The following DPYSL4 variants were observed in gnomAD, a reference collection of about 807,000 sequenced individuals.
The protein encoded by DPYSL4 is dihydropyrimidinase like 4.
A neutral mutation model predicts 63.4 loss-of-function variants in DPYSL4; 43 were observed. The ratio of observed to expected loss-of-function variants is 0.68; its 90% CI spans 0.53 to 0.88. The LOEUF (loss-of-function observed/expected upper bound fraction) is 0.88, where lower values mean the gene tolerates loss of function less well. DPYSL4 is among the 40% of genes least tolerant of loss of function. The pLI, the probability that DPYSL4 is intolerant of heterozygous loss-of-function variation, is 0.00. For missense variants in DPYSL4, 733 were observed against 819.5 expected (o/e 0.89, Z 1.29); for synonymous variants, 353 against 331.7 (o/e 1.06, Z -0.70).
intron 4 of DPYSL4, among the ~76,000 whole-genome samples, chr10:132,196,627 G>A (rs1463715978): frequency 1.3e-5 from 2 of 152,228 alleles, no homozygotes; most frequent in Non-Finnish European, 1.5e-5. Flanking sequence ...TTCCTAACCC[G>A]GAGCACAGGA....
chr10:132,204,989 G>A lies in DPYSL4; in HGVS notation c.*59G>A, dbSNP rs753579010. ...CCCACCCGAGGCCGCGGGGGCCCCA[G>A]GGCACTCGCCCCCCTCCTTAGCATT... On this transcript the variant is annotated 3_prime_UTR_variant, in exon 14 of 14. Transcript: ENST00000338492. The A allele has an allele frequency of 2.9e-5, 40 of 1,394,316 alleles. No individual in the cohort carries two copies. Among genetic ancestry groups the A allele is most frequent in the Non-Finnish European group, 3.7e-5 (38 of 1,017,262 alleles). The allele number at this position is 1,394,316 out of a possible 1,614,324, so 86.4% of individuals were successfully genotyped here. A position where few individuals can be genotyped will look rare whatever the true frequency, so the allele number is the denominator to read the frequency against.
At chr10:132,195,067 C>T (rs112825992) in intron 4 of DPYSL4, 58 bp downstream of exon 4, 41,440 of 1,547,962 alleles carry the variant, frequency 0.027, 2,303 homozygotes, top group African/African-American at 0.15. Flanking sequence ...GGAGCCTCTG[C>T]CCTGACCCTG....
At chr10:132,198,830 T>C (rs1180094406) in intron 7 of DPYSL4, 21 bp from the exon 8 acceptor site, 1 of 1,612,332 alleles carries the variant, frequency 6.2e-7, no homozygotes, top group South Asian at 1.1e-5. Context: ...TGTGGCCTCA[T>C]CCCTCTCATC....
rs2062074618 is a variant in DPYSL4, at chr10:132,204,883, A to G, written c.1672A>G (p.Ile558Val). 2.5e-6 allele frequency: 4 copies of G among 1,612,554 alleles called. No individual in the cohort carries two copies. The Admixed American group carries it at 5.0e-5, about 20-fold the overall frequency. Reference sequence around the variant, plus strand: ...CATCGCCCGACGCACAGCACAGAAGATCATGGCACCACCTGGCGGCCGCTC... The same window carrying G: ...CATCGCCCGACGCACAGCACAGAAGGTCATGGCACCACCTGGCGGCCGCTC... ...DHIARRTAQK[I>V]MAPPGGRSNI... Residue 558 changes from isoleucine to valine, a missense_variant, in exon 14 of 14, where the codon ATC becomes GTC. Physicochemically the swap from Ile to Val is conservative, Grantham distance 29 (BLOSUM62 3). Coordinates refer to ENST00000338492, the MANE Select transcript of DPYSL4 (RefSeq NM_006426.3).
chr10:132,194,704 CAG>C (rs2061919024), intron 3 of DPYSL4, 139 bp from the exon 4 acceptor site: 5 of 1,066,330 alleles, frequency 4.7e-6, no homozygotes, highest in Non-Finnish European at 6.9e-6. Flanking sequence ...CATCCTCTCT[CAG>C]GGGCCGGTGG....
intron 4 of DPYSL4, among the ~76,000 whole-genome samples, chr10:132,195,560 A>C (rs1376812100): frequency 1.3e-5 from 2 of 152,120 alleles, no homozygotes; most frequent in African/African-American, 2.4e-5. Flanking sequence ...GATGGGGTCC[A>C]AGCAAGCCCA....
rs533040345 is a variant in DPYSL4, at chr10:132,203,891, G to A, written c.1591G>A (p.Val531Met). Reference protein sequence around the residue: ...SCPGKISVPPVRNLHQSGFSL... With the variant: ...SCPGKISVPPMRNLHQSGFSL... The stretch of plus-strand genomic sequence containing the variant: ...CCCAGGCAAGATCTCCGTCCCTCCT[G>A]TGCGCAACCTACATCAGTCGGGGTT... The change falls in exon 13 of 14, where the codon GTG (valine) becomes ATG (methionine). Residue 531 changes from valine (V) to methionine (M), a missense_variant. By Grantham distance (21) the Val-to-Met change is conservative. Transcript: ENST00000338492. The A allele has an allele frequency of 1.2e-6, 2 of 1,611,998 alleles. No individual in the cohort carries two copies. Among genetic ancestry groups the A allele is most frequent in the African/African-American group, 2.7e-5 (2 of 75,036 alleles).
At chr10:132,187,369 G>GGGCCCTGCCC (rs2061815351) in intron 1 of DPYSL4, among the ~76,000 whole-genome samples, 1 of 9,654 alleles carries the variant, frequency 1.0e-4, no homozygotes, top group African/African-American at 2.9e-4. Flanking sequence ...GGGCCCTGCC[G>GGGCCCTGCCC]GGCCCTGCCC....
At chr10:132,190,671 A>T in intron 1 of DPYSL4, 76 bp from the exon 2 acceptor site, 1 of 1,396,374 alleles carries the variant, frequency 7.2e-7, no homozygotes, top group African/African-American at 1.4e-5. Context: ...TCATAATTTC[A>T]GAGGAAGGAG....
chr10:132,196,936 T>TG lies in DPYSL4; in HGVS notation c.540+18dup, dbSNP rs1225757746. On this transcript the variant is annotated intron_variant, in intron 5 of 13. Coordinates refer to ENST00000338492, the MANE Select transcript of DPYSL4 (RefSeq NM_006426.3). ...AGCGACAGCCAGGTAAGGGCAGGCG[T>TG]GGGGAACGGAGTGGGCAGGTATATC... The TG allele has an allele frequency of 1.9e-6, 3 of 1,613,460 alleles. No individual in the cohort carries two copies. Among genetic ancestry groups the TG allele is most frequent in the Non-Finnish European group, 1.7e-6 (2 of 1,179,908 alleles).
intron 1 of DPYSL4, 48 bp from the exon 2 acceptor site, chr10:132,190,699 C>T (rs751629149): frequency 1.9e-6 from 3 of 1,561,488 alleles, no homozygotes; most frequent in Non-Finnish European, 2.6e-6. Flanking sequence ...AAGAGTGTTA[C>T]TGAGTAACTC....
intron 1 of DPYSL4, among the ~76,000 whole-genome samples, chr10:132,189,113 T>C (rs1873506): frequency 0.62 from 93,925 of 151,762 alleles, 29,663 homozygotes; most frequent in East Asian, 0.93. Flanking sequence ...GTGAAGGCTC[T>C]AGCCCCAGGC....
At chr10:132,187,325 G>GGCCCGGCCCGGCCCGGCCCT (rs1185106242) in intron 1 of DPYSL4, among the ~76,000 whole-genome samples, 110 of 13,574 alleles carry the variant, frequency 8.1e-3, no homozygotes, top group African/African-American at 0.015. Context: ...GGGGCGCCCA[G>GGCCCGGCCCGGCCCGGCCCT]GCCCGGCCCG....
In DPYSL4 at chr10:132,193,160, G is replaced by A. The variant is rs140969480; in HGVS notation, c.313+318G>A. On this transcript the variant is annotated intron_variant, in intron 3 of 13. Transcript: ENST00000338492. ...GTTGGAAAACTCAAATGCCTTGGGC[G>A]AGGGGAGGGGTCATGCTGTCTGAAA... 2.9e-4 allele frequency among the ~76,000 whole-genome samples: 44 copies of A among 152,282 alleles called. No individual in the cohort carries two copies. In the East Asian group the frequency reaches 6.8e-3, roughly 23 times the overall value.
At chr10:132,199,693 G>GGGTGGT (rs1207265255) in intron 8 of DPYSL4, among the ~76,000 whole-genome samples, 1 of 138,756 alleles carries the variant, frequency 7.2e-6, no homozygotes, top group Non-Finnish European at 1.6e-5. Context: ...GTGGGGGGCG[G>GGGTGGT]GGTGGTGGTG....
At chr10:132,192,437 T>G in intron 2 of DPYSL4, 2 of 1,198,492 alleles carry the variant, frequency 1.7e-6, no homozygotes, top group Non-Finnish European at 2.1e-6. Flanking sequence ...GCGTGGCGTC[T>G]GCGTGAGGCT....
In DPYSL4 at chr10:132,187,043, C is replaced by T; in HGVS notation, c.-21C>T. 2 of 1,318,376 alleles carry T rather than the reference C, an allele frequency of 1.5e-6. No homozygotes were observed. Among genetic ancestry groups the T allele is most frequent in the Non-Finnish European group, 2.0e-6 (2 of 1,014,146 alleles). 81.7% of individuals were successfully genotyped at this position (1,318,376 alleles called of 1,614,324 possible). On this transcript the variant is annotated 5_prime_UTR_variant, in exon 1 of 14. Transcript: ENST00000338492. Reference sequence around the variant, plus strand: ...CCCGCCCCCGCTTGTGCCGCCCCTACCAGAGACCCCCAGGAGCAGGATGTC... The same window carrying T: ...CCCGCCCCCGCTTGTGCCGCCCCTATCAGAGACCCCCAGGAGCAGGATGTC...
intron 1 of DPYSL4, among the ~76,000 whole-genome samples, chr10:132,189,139 C>G (rs948726299): frequency 3.9e-5 from 6 of 152,264 alleles, no homozygotes; most frequent in Non-Finnish European, 5.9e-5. Flanking sequence ...CCCTGGCCAC[C>G]TATGGGTGGG....
At chr10:132,187,151 T>A (rs1484167813) in intron 1 of DPYSL4, 49 bp downstream of exon 1, 1 of 1,434,436 alleles carries the variant, frequency 7.0e-7, no homozygotes, top group South Asian at 1.3e-5. Flanking sequence ...CCGCCCGGAG[T>A]GGGGCCTGGA....
Sources: allele counts gnomAD v4.1 joint callset (sites outside exome capture counted in the v4.1 genomes callset), GRCh38; gene constraint gnomAD v4.1.1; transcripts MANE v1.5; gene names NCBI Gene and HGNC (gene_info 2026-07-23, HGNC 2026-07-21).